UBR4: variants seen among roughly 807,000 people sequenced by gnomAD.
The protein encoded by UBR4 is E3 ubiquitin-protein ligase UBR4.
In UBR4, 124 loss-of-function variants were observed where a neutral mutation model predicts 575.6. The ratio of observed to expected loss-of-function variants is 0.22; its 90% CI spans 0.19 to 0.25. UBR4 has a LOEUF of 0.25. Ranked by LOEUF, UBR4 falls within the 10% of genes least tolerant of loss-of-function variation. The pLI, the probability that UBR4 is intolerant of heterozygous loss-of-function variation, is 1.00. For synonymous variants in UBR4, 2,455 were observed against 2,473.7 expected (o/e 0.99, Z 0.22); for missense variants, 4,818 against 6,478.8 (o/e 0.74, Z 8.80).
chr1:19,127,426 C>T (rs1557694084), intron 63 of UBR4, among the ~76,000 whole-genome samples, 197 bp downstream of exon 63: 1 of 152,146 alleles, frequency 6.6e-6, no homozygotes, highest in Non-Finnish European at 1.5e-5. Flanking sequence ...GGGATTGTTA[C>T]CAAAGACCAG....
intron 9 of UBR4, among the ~76,000 whole-genome samples, chr1:19,192,877 G>A (rs1381744510): frequency 6.6e-6 from 1 of 152,006 alleles, no homozygotes; most frequent in Non-Finnish European, 1.5e-5. Context: ...CCACCTCCCA[G>A]GCTCAAGCGA....
At position 19,075,472 on chromosome 1, in the gene UBR4, G is replaced by A. The variant is rs185357179; in HGVS notation, c.15488-576C>T. 1.2e-4 allele frequency: 19 copies of A among 164,482 alleles called. No individual in the cohort carries two copies. The South Asian group carries it at 1.3e-3, about 11-fold the overall frequency. The allele number at this position is 164,482 out of a possible 1,614,324, so 10.2% of individuals were successfully genotyped here. A position where few individuals can be genotyped will look rare whatever the true frequency, so the allele number is the denominator to read the frequency against. Reference sequence around the variant, plus strand: ...CCAGGGCTGACTTTCTGGGAAGAACGCGAGGCATGTGCTAAGGTATGATGC... The same window carrying A: ...CCAGGGCTGACTTTCTGGGAAGAACACGAGGCATGTGCTAAGGTATGATGC... On this transcript the variant is annotated intron_variant, in intron 105 of 105. Coordinates refer to ENST00000375254, the MANE Select transcript of UBR4 (RefSeq NM_020765.3).
In UBR4 at chr1:19,208,422, G is replaced by C. The variant is rs1431773062; in HGVS notation, c.176+1651C>G. Among the ~76,000 whole-genome samples the C allele has an allele frequency of 3.5e-5, 5 of 141,542 alleles. No homozygotes were observed. The East Asian group carries it at 1.1e-3, about 31-fold the overall frequency. 92.9% of individuals were successfully genotyped at this position (141,542 alleles called of 152,430 possible). A position where few individuals can be genotyped will look rare whatever the true frequency, so the allele number is the denominator to read the frequency against. On this transcript the variant is annotated intron_variant, in intron 1 of 105. Transcript: ENST00000375254. Reference sequence around the variant, plus strand: ...GTGGAGCTTGCAGTGAGCTGAGATGGCGCCACTGCATTCCAGCCTGGGTGA... The same window carrying C: ...GTGGAGCTTGCAGTGAGCTGAGATGCCGCCACTGCATTCCAGCCTGGGTGA...
intron 28 of UBR4, 84 bp downstream of exon 28, chr1:19,167,943 A>G: frequency 1.5e-6 from 2 of 1,377,044 alleles, no homozygotes; most frequent in South Asian, 3.6e-5. Flanking sequence ...GCATTACTAC[A>G]TAGTTATAAA....
At position 19,112,670 on chromosome 1, in the gene UBR4, T is replaced by C. The variant is rs147718500; in HGVS notation, c.11655A>G (p.Thr3885=). The change falls in exon 78 of 106, where the codon ACA becomes ACG. Residue 3885 remains threonine, a synonymous_variant. Transcript: ENST00000375254. ...GGTTGGTGGCCAGGGCCCGAAGTAG[T>C]GTGATACAATGTTCTGTGACAGCCG... The part of the protein sequence containing the change: ...CASAVTEHCI[T]LLRALATNPA... 1,301 of 1,614,218 alleles carry C rather than the reference T, an allele frequency of 8.1e-4. 3 individuals are homozygous for C. The highest frequency in any genetic ancestry group is 9.5e-4 in the Non-Finnish European group (1,124 of 1,180,028).
chr1:19,094,271 A>G lies in UBR4; in HGVS notation c.13747-132T>C, dbSNP rs74056751. The G allele has an allele frequency of 3.5e-3, 2,178 of 623,248 alleles. 35 individuals carry two copies. The highest frequency in any genetic ancestry group is 0.034 in the African/African-American group (1,856 of 54,132). The allele number at this position is 623,248 out of a possible 1,614,324, so 38.6% of individuals were successfully genotyped here. ...ACCCCTAGAAGAACTATGTCTCGGC[A>G]CTTCTTGGGGAATAACAAACAGTCG... On this transcript the variant is annotated intron_variant, in intron 94 of 105. Transcript: ENST00000375254.
Position 19,118,973 on chromosome 1 carries a change from G to C in UBR4, c.10456-16C>G, listed in dbSNP as rs1335572618. The C allele has an allele frequency of 6.2e-7, 1 of 1,613,152 alleles. No individual in the cohort carries two copies. Among genetic ancestry groups the C allele is most frequent in the Non-Finnish European group, 8.5e-7 (1 of 1,179,304 alleles). Reference sequence around the variant, plus strand: ...ACTCCTTCAACTGAAACAGAATTCAGTAAAGAAACAACTTAAAGCCCAAGG... The same window carrying C: ...ACTCCTTCAACTGAAACAGAATTCACTAAAGAAACAACTTAAAGCCCAAGG... On this transcript the variant is annotated splice_polypyrimidine_tract_variant and intron_variant, in intron 70 of 105. Coordinates refer to ENST00000375254, the MANE Select transcript of UBR4 (RefSeq NM_020765.3).
In UBR4 at chr1:19,140,890, T is replaced by C; in HGVS notation, c.8491A>G (p.Ser2831Gly). Residue 2831 changes from serine (S) to glycine (G), a missense_variant and splice_region_variant, in exon 58 of 106, where the codon AGC becomes GGC. By Grantham distance (56) the Ser-to-Gly change is moderately conservative. Transcript: ENST00000375254. ...TGCAGGCCCAGGGCACTGCTGCTGCTGCCTGGGAAACAAGTGGAGAGTGAG... is the reference window on the plus strand; with the variant it reads ...TGCAGGCCCAGGGCACTGCTGCTGCCGCCTGGGAAACAAGTGGAGAGTGAG... ...ALSLQQDQQG[S>G]SSSALGLQSL... The C allele has an allele frequency of 1.2e-6, 2 of 1,606,708 alleles. No individual in the cohort carries two copies. Among genetic ancestry groups the C allele is most frequent in the Non-Finnish European group, 1.7e-6 (2 of 1,177,836 alleles).
intron 1 of UBR4, among the ~76,000 whole-genome samples, chr1:19,208,896 G>A (rs1263725581): frequency 6.6e-6 from 1 of 152,174 alleles, no homozygotes; most frequent in Non-Finnish European, 1.5e-5. Flanking sequence ...ACAAAAAGCA[G>A]CCACGTAATT....
intron 2 of UBR4, among the ~76,000 whole-genome samples, chr1:19,200,282 C>A (rs200035265): frequency 2.0e-5 from 3 of 146,602 alleles, no homozygotes; most frequent in African/African-American, 5.0e-5. Context: ...AAAAAAAAGG[C>A]AAAAAAAAAA....
In UBR4 at chr1:19,088,772, G is replaced by A. The variant is rs1402161301; in HGVS notation, c.14417C>T (p.Thr4806Ile). The change falls in exon 98 of 106, where the codon ACC (threonine) becomes ATC (isoleucine). Residue 4806 changes from threonine to isoleucine, a missense_variant. Thr to Ile is a moderately conservative substitution (Grantham distance 89). This residue lies in a region of UBR4 where 196 missense variants were observed against 386.8 expected (regional missense o/e 0.51). Coordinates refer to ENST00000375254, the MANE Select transcript of UBR4 (RefSeq NM_020765.3). The surrounding 1 kb of genome is among the most constrained non-coding windows in gnomAD (Gnocchi z 4.0). ...AMAMRQKALG[T>I]LGMTTNEKGQ... ...TGGTAGCTTTACCGTCATGCCCAGGGTGCCCAGGGCCTTCTGCCTCATTGC... is the reference window on the plus strand; with the variant it reads ...TGGTAGCTTTACCGTCATGCCCAGGATGCCCAGGGCCTTCTGCCTCATTGC... 3 of 1,613,308 alleles carry A rather than the reference G, an allele frequency of 1.9e-6. No homozygotes were observed. Among genetic ancestry groups the A allele is most frequent in the African/African-American group, 2.7e-5 (2 of 74,860 alleles).
chr1:19,095,918 T>A (rs2077990931), intron 92 of UBR4: 2 of 383,162 alleles, frequency 5.2e-6, no homozygotes, highest in South Asian at 5.6e-5. Flanking sequence ...GAAGAGGTGA[T>A]GCTCTGTTTG....
chr1:19,119,446 A>C, intron 70 of UBR4, 111 bp downstream of exon 70: 1 of 1,415,672 alleles, frequency 7.1e-7, no homozygotes, highest in East Asian at 2.3e-5. Flanking sequence ...TATTTAAAAG[A>C]GGTTTCCTAT....
At chr1:19,076,986 C>G in intron 104 of UBR4, 84 bp from the exon 105 acceptor site, 1 of 1,451,618 alleles carries the variant, frequency 6.9e-7, no homozygotes, top group Admixed American at 2.4e-5. Context: ...GCCATTTCAA[C>G]CCCTCAAAGG....
chr1:19,183,095 T>C (rs370804810), intron 17 of UBR4, among the ~76,000 whole-genome samples: 1 of 152,326 alleles, frequency 6.6e-6, no homozygotes. Flanking sequence ...CTATCTCCTA[T>C]AATTTGATTG....
chr1:19,167,133 G>C lies in UBR4; in HGVS notation c.3998C>G (p.Ser1333Cys). ...AGCAGGGCCCAAGATGCGTTCCAGG[G>C]AGTTGCTACTGATCTCGGCAACACT... is the stretch of plus-strand genomic sequence containing the variant. ...TESVAEISSN[S>C]LERILGPAES... The change falls in exon 29 of 106, where the codon TCC (serine) becomes TGC (cysteine). Residue 1333 changes from serine to cysteine, a missense_variant. By Grantham distance (112) the Ser-to-Cys change is moderately radical. Around this residue, in one of 29 missense-constraint regions of UBR4, gnomAD observed 1,172 missense variants for 1,259.7 expected, o/e 0.93. Coordinates refer to ENST00000375254, the MANE Select transcript of UBR4 (RefSeq NM_020765.3). 6.2e-7 allele frequency: 1 copy of C among 1,614,194 alleles called. No individual in the cohort carries two copies. The highest frequency in any genetic ancestry group is 8.5e-7 in the Non-Finnish European group (1 of 1,180,032).
chr1:19,194,942 A>G (rs1161261104), intron 8 of UBR4, among the ~76,000 whole-genome samples: 1 of 151,626 alleles, frequency 6.6e-6, no homozygotes, highest in African/African-American at 2.4e-5. Flanking sequence ...GCAAGACTGT[A>G]TTTCTTAAAT....
At chr1:19,162,988 C>A (rs1451357832) in intron 34 of UBR4, among the ~76,000 whole-genome samples, 1 of 152,240 alleles carries the variant, frequency 6.6e-6, no homozygotes, top group East Asian at 1.9e-4. Context: ...CATTTTTTAA[C>A]CATTAAGTGA....
At position 19,187,241 on chromosome 1, in the gene UBR4, G is replaced by A; in HGVS notation, c.1555C>T (p.Gln519Ter). Residue 519 changes from glutamine to a stop codon, truncating the protein, a stop_gained, in exon 13 of 106, where the codon CAG becomes TAG. Coordinates refer to ENST00000375254, the MANE Select transcript of UBR4 (RefSeq NM_020765.3). LOFTEE classifies it high-confidence loss of function. ...GAGTCAATCAGCCGTTGAATCCTCT[G>A]TATGGAGGTGCTCTGGGCCATAATG... ...LSIMAQSTSI[Q>*]RIQRLIDSVP... 6.2e-7 allele frequency: 1 copy of A among 1,614,052 alleles called. No homozygotes were observed. Among genetic ancestry groups the A allele is most frequent in the Non-Finnish European group, 8.5e-7 (1 of 1,179,992 alleles).
Sources: allele counts gnomAD v4.1 joint callset (sites outside exome capture counted in the v4.1 genomes callset), GRCh38; gene constraint gnomAD v4.1.1; regional missense constraint gnomAD v4.1.1; non-coding constraint Gnocchi (gnomAD v3.1); transcripts MANE v1.5; gene names NCBI Gene and HGNC (gene_info 2026-07-23, HGNC 2026-07-21).